Variants in BAZ1A observed in about 807,000 individuals in gnomAD.
BAZ1A encodes bromodomain adjacent to zinc finger domain 1A.
In BAZ1A, 50 loss-of-function variants were observed where a neutral mutation model predicts 185.2. That is an observed-to-expected ratio of 0.27 (90% CI 0.22 to 0.34). The LOEUF (loss-of-function observed/expected upper bound fraction) is 0.34, where lower values mean the gene tolerates loss of function less well. Ranked by LOEUF, BAZ1A falls within the 10% of genes least tolerant of loss-of-function variation. BAZ1A has a pLI of 1.00. For synonymous variants in BAZ1A, 571 were observed against 615.6 expected, an observed-to-expected ratio of 0.93 and a Z score of 1.07; for missense variants, 1,356 against 1,839.9, an observed-to-expected ratio of 0.74 and a Z score of 4.81.
intron 3 of BAZ1A, among the ~76,000 whole-genome samples, chr14:34,840,619 C>T (rs1404594743): frequency 1.3e-5 from 2 of 151,918 alleles, no homozygotes; most frequent in East Asian, 3.9e-4. Flanking sequence ...ATTAGCCTGG[C>T]ATGGTGGTGG....
chr14:34,859,300 G>A (rs2042731842), intron 3 of BAZ1A, among the ~76,000 whole-genome samples: 1 of 151,972 alleles, frequency 6.6e-6, no homozygotes, highest in South Asian at 2.1e-4. Flanking sequence ...CAGGTGTGGT[G>A]GCACATGCCT....
intron 3 of BAZ1A, among the ~76,000 whole-genome samples, chr14:34,856,783 G>T (rs540736925): frequency 6.7e-6 from 1 of 149,754 alleles, no homozygotes; most frequent in Non-Finnish European, 1.5e-5. Flanking sequence ...GCCTGAACTC[G>T]GGAGGCAGAG....
chr14:34,855,881 T>C (rs1203061521), intron 3 of BAZ1A, among the ~76,000 whole-genome samples: 1 of 152,066 alleles, frequency 6.6e-6, no homozygotes, highest in Non-Finnish European at 1.5e-5. Context: ...CCAGCCTTAG[T>C]GACAAGAGTG....
intron 12 of BAZ1A, among the ~76,000 whole-genome samples, chr14:34,789,808 A>G (rs1224778896): frequency 6.6e-6 from 1 of 152,254 alleles, no homozygotes; most frequent in Non-Finnish European, 1.5e-5. Flanking sequence ...AGGCAATGCC[A>G]GAGAAACAAA....
intron 4 of BAZ1A, chr14:34,816,768 G>C: frequency 2.4e-6 from 1 of 420,812 alleles, no homozygotes; most frequent in Non-Finnish European, 4.8e-6. Context: ...GTGACTGTCT[G>C]AGTCAGGACT....
chr14:34,753,292 A>G lies in BAZ1A; in HGVS notation c.*216T>C. Reference sequence around the variant, plus strand: ...ACCTCTGTAAACCAGTACTGTATCCAATACATCTATCAAACTTATTAGATA... The same window carrying G: ...ACCTCTGTAAACCAGTACTGTATCCGATACATCTATCAAACTTATTAGATA... On this transcript the variant is annotated 3_prime_UTR_variant, in exon 27 of 27. Transcript: ENST00000360310. 1 of 537,320 alleles carries G rather than the reference A, an allele frequency of 1.9e-6. No individual in the cohort carries two copies. The highest frequency in any genetic ancestry group is 2.6e-5 in the South Asian group (1 of 37,810). 33.3% of individuals were successfully genotyped at this position (537,320 alleles called of 1,614,324 possible).
chr14:34,758,512 A>G (rs931911183), intron 25 of BAZ1A, 192 bp downstream of exon 25: 12 of 477,068 alleles, frequency 2.5e-5, no homozygotes, highest in Non-Finnish European at 4.0e-5. Flanking sequence ...CCTGGGAGGC[A>G]GAGCTTGCAG....
At position 34,753,416 on chromosome 14, in the gene BAZ1A, A is replaced by G. The variant is rs558114358; in HGVS notation, c.*92T>C. 8 of 1,302,042 alleles carry G rather than the reference A, an allele frequency of 6.1e-6. No individual in the cohort carries two copies. The East Asian group carries it at 1.0e-4, about 16-fold the overall frequency. The allele number at this position is 1,302,042 out of a possible 1,614,324, so 80.7% of individuals were successfully genotyped here. On this transcript the variant is annotated 3_prime_UTR_variant, in exon 27 of 27. Coordinates refer to ENST00000360310, the MANE Select transcript of BAZ1A (RefSeq NM_013448.3). The stretch of plus-strand genomic sequence containing the variant: ...TGCAGGCCACACTTTCATGTGGTCA[A>G]TCAATTGTTATTGCTTTATACAGCA...
At position 34,785,771 on chromosome 14, in the gene BAZ1A, G is replaced by A. The variant is rs780380716; in HGVS notation, c.1831+6C>T. The A allele has an allele frequency of 5.6e-6, 9 of 1,613,218 alleles. No homozygotes were observed. The highest frequency in any genetic ancestry group is 5.5e-5 in the South Asian group (5 of 91,084). ...GGTTATGCAAATTCCAACTTGCAAA[G>A]CTTACCTGGTGTCAAATCATACACT... On this transcript the variant is annotated splice_donor_region_variant and intron_variant, in intron 14 of 26. Transcript: ENST00000360310.
intron 3 of BAZ1A, among the ~76,000 whole-genome samples, chr14:34,851,332 CAAAAAAAAAAAAAA>C (rs71435818): frequency 3.5e-4 from 15 of 43,408 alleles, no homozygotes; most frequent in African/African-American, 4.7e-4. Context: ...GACCCTAGCT[CAAAAAAAAAAAAAA>C]AAAAAAAAAA....
Position 34,761,987 on chromosome 14 carries a change from T to C in BAZ1A, c.4013A>G (p.His1338Arg), listed in dbSNP as rs1886543317. 14 of 1,614,084 alleles carry C rather than the reference T, an allele frequency of 8.7e-6. 1 individual carries two copies. The highest frequency in any genetic ancestry group is 3.3e-5 in the South Asian group (3 of 91,094). ...ATCTGCTTGCAGTGGGCCATGACTG[T>C]GGCGAGTAGAACGACTGGCAATTCT... ...SLRIASRSTR[H>R]SHGPLQADVF... The change falls in exon 24 of 27, where the codon CAC becomes CGC. Residue 1338 changes from histidine to arginine, a missense_variant. Transcript: ENST00000360310.
rs376839200 is a variant in BAZ1A at position 34,842,158 on chromosome 14, T to C, written c.393-16002A>G. Among the ~76,000 whole-genome samples, 39 of 152,228 alleles carry C rather than the reference T, an allele frequency of 2.6e-4. No individual in the cohort carries two copies. The East Asian group carries it at 5.6e-3, about 22-fold the overall frequency. On this transcript the variant is annotated intron_variant, in intron 3 of 26. Coordinates refer to ENST00000360310, the MANE Select transcript of BAZ1A (RefSeq NM_013448.3). ...CTTACTGAATGGATTATATAAAATT[T>C]GCCTGTGTGTACTTTAAAGTACTAA...
At chr14:34,843,095 A>T (rs2042443320) in intron 3 of BAZ1A, among the ~76,000 whole-genome samples, 1 of 151,398 alleles carries the variant, frequency 6.6e-6, no homozygotes, top group Non-Finnish European at 1.5e-5. Context: ...CAGTGACTAT[A>T]ATGTAAGAAA....
At chr14:34,840,671 T>C (rs2042398914) in intron 3 of BAZ1A, among the ~76,000 whole-genome samples, 1 of 151,900 alleles carries the variant, frequency 6.6e-6, no homozygotes, top group Non-Finnish European at 1.5e-5. Context: ...AGGTGGAGAA[T>C]CGCTTGACCC....
chr14:34,770,720 C>A (rs1430200371), intron 21 of BAZ1A, among the ~76,000 whole-genome samples: 1 of 152,190 alleles, frequency 6.6e-6, no homozygotes, highest in Non-Finnish European at 1.5e-5. Flanking sequence ...TAAAAACCCA[C>A]TAATTTCATA....
intron 9 of BAZ1A, among the ~76,000 whole-genome samples, chr14:34,796,272 G>A (rs1387381410): frequency 3.3e-5 from 5 of 152,072 alleles, no homozygotes; most frequent in Admixed American, 1.3e-4. Flanking sequence ...CCTTGAACCC[G>A]GGAGGAGAGG....
chr14:34,809,920 A>T (rs1365860464), intron 5 of BAZ1A, among the ~76,000 whole-genome samples: 3 of 152,194 alleles, frequency 2.0e-5, no homozygotes, highest in Non-Finnish European at 4.4e-5. Flanking sequence ...AGAAGTTTGA[A>T]TAATCAAACA....
intron 3 of BAZ1A, among the ~76,000 whole-genome samples, chr14:34,838,778 G>A (rs1442773274): frequency 2.0e-5 from 3 of 152,028 alleles, no homozygotes; most frequent in Non-Finnish European, 4.4e-5. Context: ...ACCCACCTCG[G>A]CCTCCCAAAG....
intron 3 of BAZ1A, among the ~76,000 whole-genome samples, chr14:34,860,895 T>C (rs2042758855): frequency 6.6e-6 from 1 of 151,376 alleles, no homozygotes; most frequent in Non-Finnish European, 1.5e-5. Flanking sequence ...CGGAACTCCG[T>C]CTCAAAAAAA....
Sources: gnomAD v4.1 joint callset for allele counts (sites outside exome capture counted in the v4.1 genomes callset) on GRCh38, gnomAD v4.1.1 for gene constraint, MANE v1.5 for transcripts, NCBI Gene and HGNC (gene_info 2026-07-23, HGNC 2026-07-21) for gene names.